The following HS3ST4 variants were observed in gnomAD, a reference collection of about 807,000 sequenced individuals.
HS3ST4 encodes heparan sulfate-glucosamine 3-sulfotransferase 4.
A neutral mutation model predicts 29.2 loss-of-function variants in HS3ST4; 17 were observed. That is an observed-to-expected ratio of 0.58 (90% CI 0.40 to 0.87). The LOEUF is 0.87. Ranked by LOEUF, HS3ST4 falls within the 40% of genes least tolerant of loss-of-function variation. The pLI, the probability that HS3ST4 is intolerant of heterozygous loss-of-function variation, is 0.00. For missense variants in HS3ST4, 627 were observed against 634.5 expected (o/e 0.99, Z 0.13); for synonymous variants, 314 against 285.7 (o/e 1.10, Z -1.00).
In HS3ST4 at chr16:25,911,863, T is replaced by A. The variant is rs60993896; in HGVS notation, c.734+218712T>A. ...TCTCATGTCTCTGTTCACCTCTGTG[T>A]CCTCAGGGCTTGCCACATAGAAGGA... On this transcript the variant is annotated intron_variant, in intron 1 of 1. Transcript: ENST00000331351. Among the ~76,000 whole-genome samples, 910 of 152,224 alleles carry A rather than the reference T, an allele frequency of 6.0e-3. 10 individuals are homozygous for A. Among genetic ancestry groups the A allele is most frequent in the African/African-American group, 0.021 (868 of 41,534 alleles).
chr16:25,725,053 T>A (rs1226370419), intron 1 of HS3ST4, among the ~76,000 whole-genome samples: 8 of 134,712 alleles, frequency 5.9e-5, no homozygotes, highest in African/African-American at 1.4e-4. Context: ...TTTTTTTTTT[T>A]AAATAGGAAC....
At chr16:26,113,219 G>A (rs1341148563) in intron 1 of HS3ST4, among the ~76,000 whole-genome samples, 3 of 152,060 alleles carry the variant, frequency 2.0e-5, no homozygotes, top group Non-Finnish European at 4.4e-5. Context: ...ACAATATGTT[G>A]AGAAATACAA....
chr16:26,072,308 C>G (rs1179040802), intron 1 of HS3ST4, among the ~76,000 whole-genome samples: 1 of 152,148 alleles, frequency 6.6e-6, no homozygotes, highest in Non-Finnish European at 1.5e-5. Context: ...GGAGAGCAAG[C>G]CAATCTAGAA....
intron 1 of HS3ST4, among the ~76,000 whole-genome samples, chr16:25,799,783 A>G (rs1054523740): frequency 6.6e-6 from 1 of 152,264 alleles, no homozygotes; most frequent in East Asian, 1.9e-4. Flanking sequence ...GCCGTGTATT[A>G]AGTGCTTAAT....
chr16:26,016,826 G>C (rs1432814940), intron 1 of HS3ST4, among the ~76,000 whole-genome samples: 2 of 152,072 alleles, frequency 1.3e-5, no homozygotes, highest in Non-Finnish European at 2.9e-5. Context: ...CTCATATTTG[G>C]TTCTTTCCTT....
chr16:25,788,095 G>GT (rs1410120949), intron 1 of HS3ST4, among the ~76,000 whole-genome samples: 5 of 152,236 alleles, frequency 3.3e-5, no homozygotes, highest in African/African-American at 1.2e-4. Context: ...GTCCAAGAGT[G>GT]TATGTGATTA....
At chr16:25,737,786 G>T (rs764588886) in intron 1 of HS3ST4, among the ~76,000 whole-genome samples, 12 of 152,064 alleles carry the variant, frequency 7.9e-5, no homozygotes, top group Non-Finnish European at 1.6e-4. Flanking sequence ...AAGGCAATTT[G>T]CCCACCTCCC....
chr16:25,931,891 G>A (rs934428228), intron 1 of HS3ST4, among the ~76,000 whole-genome samples: 3 of 152,122 alleles, frequency 2.0e-5, no homozygotes, highest in African/African-American at 7.2e-5. Context: ...ACATGGCAGA[G>A]GGCCGCCTCA....
rs762212461 is a variant in HS3ST4 at position 26,135,833 on chromosome 16, G to C, written c.956G>C (p.Arg319Pro). The change falls in exon 2 of 2, where the codon CGG becomes CCG. Residue 319 changes from arginine (R) to proline (P), a missense_variant. Arg to Pro is a moderately radical substitution (Grantham distance 103, BLOSUM62 -2). Transcript: ENST00000331351. ...PTFEVLAFKN[R>P]TLGLIDASWS... Reference sequence around the variant, plus strand: ...TTTGAGGTGCTGGCCTTCAAAAACCGGACCCTCGGGCTGATCGATGCTTCC... The same window carrying C: ...TTTGAGGTGCTGGCCTTCAAAAACCCGACCCTCGGGCTGATCGATGCTTCC... The C allele has an allele frequency of 1.9e-6, 3 of 1,613,828 alleles. No homozygotes were observed. Among genetic ancestry groups the C allele is most frequent in the Non-Finnish European group, 2.5e-6 (3 of 1,179,892 alleles).
At chr16:25,788,979 A>C (rs1199363429) in intron 1 of HS3ST4, among the ~76,000 whole-genome samples, 1 of 152,144 alleles carries the variant, frequency 6.6e-6, no homozygotes, top group Non-Finnish European at 1.5e-5. Flanking sequence ...GCTGCCCTAA[A>C]ATCAAGTCTC....
chr16:26,038,919 G>A (rs1596659279), intron 1 of HS3ST4, among the ~76,000 whole-genome samples: 1 of 152,022 alleles, frequency 6.6e-6, no homozygotes, highest in Admixed American at 6.6e-5. Flanking sequence ...TCCTGACCTC[G>A]TGATCCACCC....
chr16:25,901,154 G>A (rs1023312395), intron 1 of HS3ST4, among the ~76,000 whole-genome samples: 1 of 152,084 alleles, frequency 6.6e-6, no homozygotes, highest in Non-Finnish European at 1.5e-5. Context: ...GTTTCCTGGT[G>A]AAGTTACCTG....
intron 1 of HS3ST4, among the ~76,000 whole-genome samples, chr16:25,828,172 C>T (rs539148273): frequency 2.2e-5 from 3 of 135,378 alleles, no homozygotes; most frequent in South Asian, 5.4e-4. Flanking sequence ...CTTCCTTTCT[C>T]TCTCTCTTTC....
chr16:26,043,067 T>G (rs1480825158), intron 1 of HS3ST4, among the ~76,000 whole-genome samples: 1 of 152,204 alleles, frequency 6.6e-6, no homozygotes, highest in Non-Finnish European at 1.5e-5. Context: ...GCACAAGCAC[T>G]TTTATGTTAA....
At chr16:26,038,149 C>T (rs1766882775) in intron 1 of HS3ST4, among the ~76,000 whole-genome samples, 1 of 152,188 alleles carries the variant, frequency 6.6e-6, no homozygotes, top group Admixed American at 6.5e-5. Flanking sequence ...CATTGTCCCT[C>T]AGCGACGTCA....
intron 1 of HS3ST4, among the ~76,000 whole-genome samples, chr16:25,825,060 A>G (rs1463558752): frequency 6.6e-6 from 1 of 152,198 alleles, no homozygotes; most frequent in East Asian, 1.9e-4. Flanking sequence ...GGAAATTTGG[A>G]CACAGACACA....
At chr16:26,041,819 A>G (rs1455087126) in intron 1 of HS3ST4, among the ~76,000 whole-genome samples, 1 of 152,232 alleles carries the variant, frequency 6.6e-6, no homozygotes, top group Non-Finnish European at 1.5e-5. Context: ...CAAGCCTGCA[A>G]TTTAGGACTG....
intron 1 of HS3ST4, among the ~76,000 whole-genome samples, chr16:25,828,238 C>CTT (rs770803360): frequency 0.15 from 12,583 of 86,590 alleles, 1,409 homozygotes; most frequent in African/African-American, 0.24. Context: ...TTCTTTCTTT[C>CTT]TTTCTCTTTC....
rs527425639 is a variant in HS3ST4 at position 26,045,366 on chromosome 16, G to A, written c.735-90246G>A. ...GGGTAAAGAATTCTTCTTTAGTTTA[G>A]TTTAATATATTCTTGCCTGTACTTA... On this transcript the variant is annotated intron_variant, in intron 1 of 1. Transcript: ENST00000331351. Among the ~76,000 whole-genome samples the A allele has an allele frequency of 1.8e-4, 28 of 152,252 alleles. 2 individuals carry two copies. In the East Asian group the frequency reaches 3.5e-3, roughly 19 times the overall value.
Sources: gnomAD v4.1 joint callset for allele counts (sites outside exome capture counted in the v4.1 genomes callset) on GRCh38, gnomAD v4.1.1 for gene constraint, MANE v1.5 for transcripts, NCBI Gene and HGNC (gene_info 2026-07-23, HGNC 2026-07-21) for gene names.